The following FBXO11 variants were observed in gnomAD, a reference collection of about 807,000 sequenced individuals.
FBXO11 encodes F-box protein 11, also known as F-box only protein 11.
A neutral mutation model predicts 117.0 loss-of-function variants in FBXO11; 13 were observed. That is an observed-to-expected ratio of 0.11 (90% CI 0.07 to 0.18). The LOEUF (loss-of-function observed/expected upper bound fraction) is 0.18. FBXO11 is among the 10% of genes least tolerant of loss of function. The probability of loss-of-function intolerance (pLI) is 1.00; values close to 1 mark genes in which losing one functional copy is unlikely to be tolerated. For synonymous variants in FBXO11, 490 were observed against 380.5 expected (o/e 1.29, Z -3.35); for missense variants, 767 against 1,164.4 (o/e 0.66, Z 4.97).
At chr2:47,828,175 G>C (rs897611020) in intron 11 of FBXO11, among the ~76,000 whole-genome samples, 5 of 152,202 alleles carry the variant, frequency 3.3e-5, no homozygotes, top group Admixed American at 3.3e-4. Context: ...AGTAGAGATA[G>C]GGTCTGTCTT....
chr2:47,835,538 G>C (rs1292280912), intron 5 of FBXO11, among the ~76,000 whole-genome samples: 1 of 151,570 alleles, frequency 6.6e-6, no homozygotes, highest in African/African-American at 2.4e-5. Context: ...TCACTCTGTC[G>C]CCCAGGCTGG....
intron 1 of FBXO11, among the ~76,000 whole-genome samples, chr2:47,884,288 T>A (rs1429068890): frequency 6.6e-6 from 1 of 152,200 alleles, no homozygotes; most frequent in African/African-American, 2.4e-5. Context: ...TGGCTCTGTG[T>A]GCACATGTGT....
intron 11 of FBXO11, among the ~76,000 whole-genome samples, chr2:47,824,443 A>T (rs985058969): frequency 2.0e-5 from 3 of 152,128 alleles, no homozygotes; most frequent in Non-Finnish European, 4.4e-5. Flanking sequence ...AGTGAGCCGT[A>T]ATCACACCAT....
At position 47,813,386 on chromosome 2, in the gene FBXO11, G is replaced by T. The variant is rs756708414; in HGVS notation, c.2084-9C>A. On this transcript the variant is annotated splice_polypyrimidine_tract_variant and intron_variant, in intron 17 of 22. Coordinates refer to ENST00000403359, the MANE Select transcript of FBXO11 (RefSeq NM_001190274.2). Reference sequence around the variant, plus strand: ...TTCTATACAGCCTAGACCTATAAATGCAAAAATGTAGGTTATCTAGAAGGT... The same window carrying T: ...TTCTATACAGCCTAGACCTATAAATTCAAAAATGTAGGTTATCTAGAAGGT... The T allele has an allele frequency of 1.4e-5, 21 of 1,465,706 alleles. No homozygotes were observed. Among genetic ancestry groups the T allele is most frequent in the Non-Finnish European group, 1.9e-5 (21 of 1,087,660 alleles). 90.8% of individuals were successfully genotyped at this position (1,465,706 alleles called of 1,614,324 possible). A position where few individuals can be genotyped will look rare whatever the true frequency, so the allele number is the denominator to read the frequency against.
chr2:47,867,576 G>C (rs1386497960), intron 1 of FBXO11, among the ~76,000 whole-genome samples: 2 of 152,124 alleles, frequency 1.3e-5, no homozygotes, highest in Non-Finnish European at 2.9e-5. Flanking sequence ...TATGAAAAAG[G>C]TTAAATGTTT....
chr2:47,812,907 CA>C, intron 18 of FBXO11: 1 of 283,802 alleles, frequency 3.5e-6, no homozygotes, highest in Non-Finnish European at 6.8e-6. Flanking sequence ...ATCAATTTCT[CA>C]CATCTATTTC....
In FBXO11 at chr2:47,809,422, A is replaced by C. The variant is rs111525278; in HGVS notation, c.2447-156T>G. ...ATTGTAAGAAATCAGCTAAGAATAGAATTTTCCTTGTATAAGATACTCCAA... is the reference window on the plus strand; with the variant it reads ...ATTGTAAGAAATCAGCTAAGAATAGCATTTTCCTTGTATAAGATACTCCAA... On this transcript the variant is annotated intron_variant, in intron 20 of 22. Transcript: ENST00000403359. 7.3e-5 allele frequency: 50 copies of C among 688,876 alleles called. No homozygotes were observed. In the African/African-American group the frequency reaches 8.6e-4, roughly 12 times the overall value. The allele number at this position is 688,876 out of a possible 1,614,324, so 42.7% of individuals were successfully genotyped here.
intron 7 of FBXO11, among the ~76,000 whole-genome samples, chr2:47,834,369 G>T (rs1271419939): frequency 6.6e-6 from 1 of 151,834 alleles, no homozygotes; most frequent in East Asian, 1.9e-4. Context: ...AAAAAGGTTG[G>T]GGGGGGCGGG....
At chr2:47,822,166 T>C in intron 13 of FBXO11, 52 bp downstream of exon 13, 1 of 1,201,058 alleles carries the variant, frequency 8.3e-7, no homozygotes, top group Non-Finnish European at 1.2e-6. Flanking sequence ...TTTGCTAATA[T>C]CAAGAAGACA....
intron 18 of FBXO11, chr2:47,810,890 A>G (rs1307042363): frequency 6.6e-6 from 1 of 152,612 alleles, no homozygotes; most frequent in African/African-American, 2.4e-5. Flanking sequence ...CATAGTTTCC[A>G]ATCAGTTAAC....
chr2:47,901,142 C>T (rs1390512128), intron 1 of FBXO11, among the ~76,000 whole-genome samples: 16 of 112,132 alleles, frequency 1.4e-4, no homozygotes, highest in Admixed American at 9.9e-4. Context: ...TATATATATA[C>T]ACACGTGTGT....
At chr2:47,871,558 A>AT (rs1334818895) in intron 1 of FBXO11, among the ~76,000 whole-genome samples, 3 of 152,006 alleles carry the variant, frequency 2.0e-5, no homozygotes, top group Non-Finnish European at 4.4e-5. Context: ...TTTAATTTAC[A>AT]TTTTTTCTGA....
At chr2:47,830,596 A>T (rs1672104054) in intron 11 of FBXO11, among the ~76,000 whole-genome samples, 1 of 152,244 alleles carries the variant, frequency 6.6e-6, no homozygotes, top group Admixed American at 6.5e-5. Context: ...ATACTTTATA[A>T]ATCTTAAAAT....
intron 1 of FBXO11, among the ~76,000 whole-genome samples, chr2:47,872,984 C>G (rs1386659066): frequency 1.3e-5 from 2 of 151,932 alleles, no homozygotes; most frequent in Non-Finnish European, 2.9e-5. Flanking sequence ...TACTGGGGCA[C>G]AGGGCTCCAC....
chr2:47,859,686 C>T (rs1674601799), intron 1 of FBXO11, among the ~76,000 whole-genome samples: 1 of 152,142 alleles, frequency 6.6e-6, no homozygotes, highest in Non-Finnish European at 1.5e-5. Context: ...GGTTTACACC[C>T]TTCAAGCACT....
At chr2:47,884,280 G>A (rs1160584865) in intron 1 of FBXO11, among the ~76,000 whole-genome samples, 1 of 152,056 alleles carries the variant, frequency 6.6e-6, no homozygotes, top group Non-Finnish European at 1.5e-5. Context: ...TGTACATGTG[G>A]CTCTGTGTGC....
intron 11 of FBXO11, 120 bp from the exon 12 acceptor site, chr2:47,823,480 C>A: frequency 1.3e-6 from 1 of 795,538 alleles, no homozygotes; most frequent in Non-Finnish European, 1.9e-6. Context: ...TAAGGCTGGG[C>A]GTGGTGACTC....
intron 11 of FBXO11, among the ~76,000 whole-genome samples, chr2:47,825,032 C>G (rs1468178746): frequency 1.3e-5 from 2 of 152,116 alleles, no homozygotes; most frequent in South Asian, 2.1e-4. Context: ...ACTATTCTAA[C>G]TTCTGGAGCA....
chr2:47,892,745 A>G (rs924688033), intron 1 of FBXO11, among the ~76,000 whole-genome samples: 1 of 152,228 alleles, frequency 6.6e-6, no homozygotes, highest in Admixed American at 6.5e-5. Context: ...TTCTAGATAC[A>G]TGGCCAAAAC....
Sources: gnomAD v4.1 joint callset for allele counts (sites outside exome capture counted in the v4.1 genomes callset) on GRCh38, gnomAD v4.1.1 for gene constraint, MANE v1.5 for transcripts, NCBI Gene and HGNC (gene_info 2026-07-23, HGNC 2026-07-21) for gene names.